The following PRPSAP2 variants were observed in gnomAD, a reference collection of about 807,000 sequenced individuals.
PRPSAP2 encodes the protein phosphoribosyl pyrophosphate synthase-associated protein 2.
In PRPSAP2, 24 loss-of-function variants were observed where a neutral mutation model predicts 40.6. The ratio of observed to expected loss-of-function variants is 0.59; its 90% CI spans 0.43 to 0.83. The LOEUF is 0.83. Among genes scored for constraint, PRPSAP2 ranks in the 40% least tolerant of loss-of-function variants. The pLI is 0.00. For synonymous variants in PRPSAP2, 149 were observed against 164.7 expected, an observed-to-expected ratio of 0.90 and a Z score of 0.73; for missense variants, 292 against 465.6, an observed-to-expected ratio of 0.63 and a Z score of 3.43.
chr17:18,863,831 CTTTTTTTTTTT>C (rs34770102), intron 1 of PRPSAP2, among the ~76,000 whole-genome samples: 1 of 86,052 alleles, frequency 1.2e-5, no homozygotes, highest in African/African-American at 5.0e-5. Flanking sequence ...ACTGCGTGGC[CTTTTTTTTTTT>C]TTTTTTTTTT....
intron 8 of PRPSAP2, among the ~76,000 whole-genome samples, chr17:18,906,980 C>G (rs911151448): frequency 6.6e-6 from 1 of 151,536 alleles, no homozygotes; most frequent in East Asian, 1.9e-4. Context: ...GTATTTAGTA[C>G]TTTCTAGTGC....
intron 1 of PRPSAP2, among the ~76,000 whole-genome samples, chr17:18,861,666 G>A (rs779752820): frequency 2.6e-5 from 4 of 152,092 alleles, no homozygotes; most frequent in Non-Finnish European, 5.9e-5. Context: ...GAACGTCAGA[G>A]ACCACATGCA....
rs772700765 is a variant in PRPSAP2 at position 18,886,359 on chromosome 17, C to CTTTTT, written c.529-3453_529-3449dup. Among the ~76,000 whole-genome samples, 2 of 143,824 alleles carry CTTTTT rather than the reference C, an allele frequency of 1.4e-5. 1 individual carries two copies. Among genetic ancestry groups the CTTTTT allele is most frequent in the Non-Finnish European group, 3.1e-5 (2 of 65,272 alleles). 94.4% of individuals were successfully genotyped at this position (143,824 alleles called of 152,430 possible). A position where few individuals can be genotyped will look rare whatever the true frequency, so the allele number is the denominator to read the frequency against. On this transcript the variant is annotated intron_variant, in intron 7 of 11. Coordinates refer to ENST00000268835, the MANE Select transcript of PRPSAP2 (RefSeq NM_002767.4). ...TGCCTTGAAATTTTTGCCATCTATA[C>CTTTTT]TTTTTTTTTTTTTTGAGACGGAGTC...
rs1462032758 is a variant in PRPSAP2 at position 18,858,219 on chromosome 17, G to T, written c.-171G>T. 5.2e-5 allele frequency: 8 copies of T among 152,514 alleles called. No homozygotes were observed. The East Asian group carries it at 1.2e-3, about 22-fold the overall frequency. The allele number at this position is 152,514 out of a possible 1,614,324, so 9.4% of individuals were successfully genotyped here. A position where few individuals can be genotyped will look rare whatever the true frequency, so the allele number is the denominator to read the frequency against. On this transcript the variant is annotated 5_prime_UTR_variant, in exon 1 of 12. Coordinates refer to ENST00000268835, the MANE Select transcript of PRPSAP2 (RefSeq NM_002767.4). ...GGAGACCCGGCGCTTTCTTCCTTCTGCAGCTGAGGCTGCGGCGGGGCCGGG... is the reference window on the plus strand; with the variant it reads ...GGAGACCCGGCGCTTTCTTCCTTCTTCAGCTGAGGCTGCGGCGGGGCCGGG...
intron 6 of PRPSAP2, among the ~76,000 whole-genome samples, chr17:18,879,084 G>A (rs1415810332): frequency 1.3e-5 from 2 of 152,042 alleles, no homozygotes; most frequent in African/African-American, 4.8e-5. Context: ...TGGCCAGGCT[G>A]GTCTCGAACT....
chr17:18,856,996 C>T (rs2058584857), upstream of PRPSAP2, among the ~76,000 whole-genome samples: 1 of 152,054 alleles, frequency 6.6e-6, no homozygotes, highest in African/African-American at 2.4e-5. Flanking sequence ...AGTACTAATT[C>T]CTTTATAATA....
chr17:18,871,256 A>T (rs905177182), intron 4 of PRPSAP2, among the ~76,000 whole-genome samples: 16 of 150,576 alleles, frequency 1.1e-4, no homozygotes, highest in Admixed American at 2.0e-4. Context: ...CTAACCTCAG[A>T]TTATCCGCCT....
At chr17:18,918,780 T>TG (rs892675009) in intron 9 of PRPSAP2, among the ~76,000 whole-genome samples, 9 of 151,970 alleles carry the variant, frequency 5.9e-5, no homozygotes, top group Admixed American at 5.3e-4. Context: ...GGGAACGGGG[T>TG]GGGGAGCAGT....
At chr17:18,874,159 C>T (rs1335253259) in intron 5 of PRPSAP2, among the ~76,000 whole-genome samples, 1 of 152,122 alleles carries the variant, frequency 6.6e-6, no homozygotes, top group Non-Finnish European at 1.5e-5. Flanking sequence ...CCTGCCTTGA[C>T]CTCCTATATT....
intron 4 of PRPSAP2, among the ~76,000 whole-genome samples, chr17:18,871,274 C>T (rs1422164059): frequency 6.6e-6 from 1 of 152,170 alleles, no homozygotes; most frequent in Non-Finnish European, 1.5e-5. Flanking sequence ...CCTGCCTGGG[C>T]CTCCCAAAGT....
intron 6 of PRPSAP2, among the ~76,000 whole-genome samples, chr17:18,881,076 C>T (rs1162646408): frequency 1.3e-5 from 2 of 151,816 alleles, no homozygotes; most frequent in Non-Finnish European, 1.5e-5. Flanking sequence ...TCAGGTGATC[C>T]GCCTGCCTCA....
chr17:18,881,619 C>A (rs2038749066), intron 6 of PRPSAP2, among the ~76,000 whole-genome samples: 1 of 151,412 alleles, frequency 6.6e-6, no homozygotes, highest in South Asian at 2.1e-4. Context: ...TCACTTGCAG[C>A]CTTGACCTTC....
At chr17:18,884,351 T>C (rs1370076806) in intron 7 of PRPSAP2, among the ~76,000 whole-genome samples, 1 of 151,658 alleles carries the variant, frequency 6.6e-6, no homozygotes, top group African/African-American at 2.4e-5. Flanking sequence ...TTTATGTTTT[T>C]TTTTTGAGAC....
chr17:18,886,005 G>T (rs1328186783), intron 7 of PRPSAP2, among the ~76,000 whole-genome samples: 2 of 152,120 alleles, frequency 1.3e-5, no homozygotes, highest in Non-Finnish European at 2.9e-5. Flanking sequence ...TTACAGGCAT[G>T]AGCTACTACA....
intron 3 of PRPSAP2, among the ~76,000 whole-genome samples, chr17:18,866,937 C>T (rs957687495): frequency 3.9e-5 from 6 of 152,010 alleles, no homozygotes; most frequent in African/African-American, 1.2e-4. Context: ...GGTCTGGAGG[C>T]AGAACCCCCC....
At position 18,877,881 on chromosome 17, in the gene PRPSAP2, C is replaced by T. The variant is rs1397577654; in HGVS notation, c.412+11C>T. On this transcript the variant is annotated intron_variant, in intron 6 of 11. Transcript: ENST00000268835. Reference sequence around the variant, plus strand: ...TGATGTGCAAAGCTGGTAAGAATGGCAGATGTTTCACAATTAATTGGGGGC... The same window carrying T: ...TGATGTGCAAAGCTGGTAAGAATGGTAGATGTTTCACAATTAATTGGGGGC... 1.3e-6 allele frequency: 2 copies of T among 1,578,520 alleles called. No homozygotes were observed. The highest frequency in any genetic ancestry group is 2.2e-5 in the East Asian group (1 of 44,672).
intron 4 of PRPSAP2, among the ~76,000 whole-genome samples, chr17:18,870,479 C>T (rs2151891010): frequency 6.6e-6 from 1 of 152,116 alleles, no homozygotes; most frequent in South Asian, 2.1e-4. Flanking sequence ...ATTACTTTCA[C>T]CTAAATAAAT....
chr17:18,916,406 G>A (rs1047399532), intron 9 of PRPSAP2, among the ~76,000 whole-genome samples: 2 of 139,814 alleles, frequency 1.4e-5, no homozygotes, highest in Admixed American at 7.3e-5. Context: ...ACGGAATTTC[G>A]CTCTTGTTGC....
chr17:18,929,120 G>A (rs2042123573), intron 11 of PRPSAP2, among the ~76,000 whole-genome samples, 163 bp downstream of exon 11: 1 of 152,150 alleles, frequency 6.6e-6, no homozygotes. Flanking sequence ...ACTTTGGGAG[G>A]CCGAGGCAGG....
Sources: allele counts gnomAD v4.1 joint callset (sites outside exome capture counted in the v4.1 genomes callset), GRCh38; gene constraint gnomAD v4.1.1; transcripts MANE v1.5; gene names NCBI Gene and HGNC (gene_info 2026-07-23, HGNC 2026-07-21).